The following CD2AP variants were observed in gnomAD, a reference collection of about 807,000 sequenced individuals.
The protein encoded by CD2AP is CD2 associated protein, also known as CD2-associated protein.
CD2AP carries 46 observed loss-of-function variants against 85.1 expected under a neutral mutation model. That is an observed-to-expected ratio of 0.54 (90% CI 0.43 to 0.69). CD2AP has a LOEUF of 0.69. Ranked by LOEUF, CD2AP falls within the 30% of genes least tolerant of loss-of-function variation. The probability of loss-of-function intolerance (pLI) is 0.00; values close to 1 mark genes in which losing one functional copy is unlikely to be tolerated. For synonymous variants in CD2AP, 255 were observed against 252.9 expected (o/e 1.01, Z -0.08); for missense variants, 769 against 729.5 (o/e 1.05, Z -0.62).
chr6:47,582,178 AT>A (rs1161394981), intron 11 of CD2AP, 113 bp downstream of exon 11: 3 of 735,716 alleles, frequency 4.1e-6, no homozygotes, highest in Admixed American at 3.9e-5. Context: ...GGTATTCAGT[AT>A]GTATTTAACA....
At chr6:47,615,217 ATTAG>A (rs1769545503) in intron 17 of CD2AP, among the ~76,000 whole-genome samples, 1 of 152,184 alleles carries the variant, frequency 6.6e-6, no homozygotes, top group Non-Finnish European at 1.5e-5. Context: ...TAAACTGTGT[ATTAG>A]TTAGGCTTAG....
chr6:47,535,688 G>A (rs914141827), intron 3 of CD2AP, among the ~76,000 whole-genome samples: 1 of 152,172 alleles, frequency 6.6e-6, no homozygotes, highest in Non-Finnish European at 1.5e-5. Context: ...GGTTTCAGCA[G>A]TTCTGATGAT....
intron 16 of CD2AP, among the ~76,000 whole-genome samples, chr6:47,609,900 C>T (rs566652031): frequency 3.5e-4 from 53 of 152,136 alleles, no homozygotes; most frequent in African/African-American, 1.1e-3. Flanking sequence ...GGAAAAATAT[C>T]GTATTTTGGA....
chr6:47,505,831 C>G (rs1163994455), intron 2 of CD2AP, among the ~76,000 whole-genome samples: 2 of 120,642 alleles, frequency 1.7e-5, no homozygotes, highest in South Asian at 2.8e-4. Flanking sequence ...CTGGACGGCA[C>G]GGCTGTCCGG....
intron 1 of CD2AP, among the ~76,000 whole-genome samples, chr6:47,502,647 C>A (rs1453830947): frequency 6.6e-6 from 1 of 152,098 alleles, no homozygotes; most frequent in East Asian, 1.9e-4. Context: ...GCGCCCACCA[C>A]CATGCCGGGC....
chr6:47,584,419 A>AT (rs35951401), intron 11 of CD2AP, among the ~76,000 whole-genome samples: 273 of 138,280 alleles, frequency 2.0e-3, no homozygotes, highest in East Asian at 0.014. Context: ...GTCTAGATTC[A>AT]TTTTTTTTTT....
At chr6:47,575,256 T>A (rs1039701233) in intron 6 of CD2AP, among the ~76,000 whole-genome samples, 6 of 152,214 alleles carry the variant, frequency 3.9e-5, no homozygotes, top group African/African-American at 1.2e-4. Flanking sequence ...TATAGCCATG[T>A]AACAGCTAGG....
At chr6:47,525,350 T>C (rs1766693480) in intron 2 of CD2AP, among the ~76,000 whole-genome samples, 1 of 152,190 alleles carries the variant, frequency 6.6e-6, no homozygotes, top group African/African-American at 2.4e-5. Context: ...TAATTAAGTA[T>C]ATTCCTTAGA....
At chr6:47,577,233 T>A (rs1487140335) in intron 8 of CD2AP, 130 bp downstream of exon 8, 1 of 627,700 alleles carries the variant, frequency 1.6e-6, no homozygotes, top group Non-Finnish European at 2.9e-6. Context: ...TTTGTCTTGT[T>A]TCTAAGTCCT....
rs1561838670 is a variant in CD2AP at position 47,624,723 on chromosome 6, A to ATGTG, written c.*497_*498insGTGT. 8.7e-6 allele frequency: 1 copy of ATGTG among 115,450 alleles called. No homozygotes were observed. The allele number at this position is 115,450 out of a possible 1,614,324, so 7.2% of individuals were successfully genotyped here. On this transcript the variant is annotated 3_prime_UTR_variant, in exon 18 of 18. Coordinates refer to ENST00000359314, the MANE Select transcript of CD2AP (RefSeq NM_012120.3). ...TGTGTGTGTGTGTGTGTGTGTGTGTATATATATATATATATTTTTACTTTT... is the reference window on the plus strand; with the variant it reads ...TGTGTGTGTGTGTGTGTGTGTGTGTATGTGTATATATATATATATTTTTACTTTT...
In CD2AP at chr6:47,477,935, GCGGGAGC is replaced by G. The variant is rs1765343264; in HGVS notation, c.-309_-303del. On this transcript the variant is annotated 5_prime_UTR_variant, in exon 1 of 18. Coordinates refer to ENST00000359314, the MANE Select transcript of CD2AP (RefSeq NM_012120.3). ...GCAAACCGGTGGGTCCCTCCCCACT[GCGGGAGC>G]GGCCAGGGTGGGAAAACCGCGGTCG... 3 of 501,472 alleles carry G rather than the reference GCGGGAGC, an allele frequency of 6.0e-6. No homozygotes were observed. In the East Asian group the frequency reaches 1.1e-4, roughly 19 times the overall value. 31.1% of individuals were successfully genotyped at this position (501,472 alleles called of 1,614,324 possible).
At chr6:47,595,811 A>C in intron 11 of CD2AP, 50 bp from the exon 12 acceptor site, 1 of 1,534,236 alleles carries the variant, frequency 6.5e-7, no homozygotes, top group East Asian at 2.3e-5. Context: ...AAATAGAAAA[A>C]CCTAAATAAT....
chr6:47,543,765 G>C (rs1433793324), intron 3 of CD2AP, among the ~76,000 whole-genome samples: 2 of 152,146 alleles, frequency 1.3e-5, no homozygotes, highest in African/African-American at 4.8e-5. Context: ...AGACACATTG[G>C]GTGTTAGGGT....
intron 17 of CD2AP, among the ~76,000 whole-genome samples, chr6:47,621,428 T>C (rs7769278): frequency 0.26 from 39,574 of 152,120 alleles, 5,796 homozygotes; most frequent in East Asian, 0.6. Context: ...TTTGATATGT[T>C]GTCAGATTTG....
intron 17 of CD2AP, among the ~76,000 whole-genome samples, chr6:47,615,942 G>T (rs1769572206): frequency 6.6e-6 from 1 of 151,224 alleles, no homozygotes; most frequent in Non-Finnish European, 1.5e-5. Flanking sequence ...ACCACACCCG[G>T]CTAGTTTTAT....
chr6:47,553,643 G>A (rs944841512), intron 4 of CD2AP, among the ~76,000 whole-genome samples: 2 of 151,482 alleles, frequency 1.3e-5, no homozygotes, highest in African/African-American at 4.9e-5. Context: ...TGGGATTATA[G>A]GCAAGAGCCA....
At chr6:47,517,870 T>G (rs553499133) in intron 2 of CD2AP, among the ~76,000 whole-genome samples, 1 of 152,316 alleles carries the variant, frequency 6.6e-6, no homozygotes, top group East Asian at 1.9e-4. Flanking sequence ...TATAGTGTTA[T>G]GAGTATCCAA....
chr6:47,526,017 G>T (rs1056565231), intron 2 of CD2AP, among the ~76,000 whole-genome samples: 8 of 152,030 alleles, frequency 5.3e-5, no homozygotes, highest in African/African-American at 1.9e-4. Flanking sequence ...AAGTGATGTT[G>T]GTAGGAAATA....
At position 47,589,379 on chromosome 6, in the gene CD2AP, T is replaced by TATATACACACACACACACACACACAC. The variant is rs144886557; in HGVS notation, c.1109-6481_1109-6480insTATACACACACACACACACACACACA. On this transcript the variant is annotated intron_variant, in intron 11 of 17. Transcript: ENST00000359314. ...TTTGATGACCAGGAACTCTTGAATATACACACACACACACAAATGTATATA... is the reference window on the plus strand; with the variant it reads ...TTTGATGACCAGGAACTCTTGAATATATATACACACACACACACACACACACACACACACACACACAAATGTATATA... Among the ~76,000 whole-genome samples, 236 of 139,436 alleles carry TATATACACACACACACACACACACAC rather than the reference T, an allele frequency of 1.7e-3. 2 individuals carry two copies. The East Asian group carries it at 0.023, about 14-fold the overall frequency. The allele number at this position is 139,436 out of a possible 152,430, so 91.5% of individuals were successfully genotyped here. A position where few individuals can be genotyped will look rare whatever the true frequency, so the allele number is the denominator to read the frequency against.
Sources: allele counts gnomAD v4.1 joint callset (sites outside exome capture counted in the v4.1 genomes callset), GRCh38; gene constraint gnomAD v4.1.1; transcripts MANE v1.5; gene names NCBI Gene and HGNC (gene_info 2026-07-23, HGNC 2026-07-21).